Variants in DCLK2 observed in about 807,000 individuals in gnomAD.
The protein encoded by DCLK2 is doublecortin like kinase 2, also known as serine/threonine-protein kinase DCLK2.
A neutral mutation model predicts 78.4 loss-of-function variants in DCLK2; 31 were observed. The ratio of observed to expected loss-of-function variants is 0.40; its 90% confidence interval spans 0.30 to 0.53. The LOEUF is 0.53. Ranked by LOEUF, DCLK2 falls within the 20% of genes least tolerant of loss-of-function variation. The probability of loss-of-function intolerance (pLI) is 0.61; values close to 1 mark genes in which losing one functional copy is unlikely to be tolerated. For missense variants in DCLK2, 872 were observed against 973.7 expected, an observed-to-expected ratio of 0.90 and a Z score of 1.39; for synonymous variants, 407 against 374.9, an observed-to-expected ratio of 1.09 and a Z score of -0.99.
intron 8 of DCLK2, 104 bp from the exon 9 acceptor site, chr4:150,232,233 T>G (rs1742130864): frequency 7.1e-7 from 1 of 1,406,018 alleles, no homozygotes; most frequent in Non-Finnish European, 9.7e-7. Context: ...ATGCTTTCTT[T>G]GGCATCAGAT....
chr4:150,157,605 C>T lies in DCLK2; in HGVS notation c.757-35533C>T, dbSNP rs187038065. ...TCGGCTCACTGCAGCCTCCACTTCC[C>T]GGGTTCAGGTGATTCTCATGCCTCA... On this transcript the variant is annotated intron_variant, in intron 2 of 15. Transcript: ENST00000296550. 4.9e-3 allele frequency among the ~76,000 whole-genome samples: 728 copies of T among 149,840 alleles called. 6 individuals carry two copies. The highest frequency in any genetic ancestry group is 7.8e-3 in the Non-Finnish European group (522 of 67,220).
At chr4:150,101,638 C>T (rs1286812810) in intron 1 of DCLK2, among the ~76,000 whole-genome samples, 1 of 151,866 alleles carries the variant, frequency 6.6e-6, no homozygotes, top group Admixed American at 6.6e-5. Flanking sequence ...ATTGTGGTAT[C>T]TCAACATATA....
At chr4:150,134,429 G>A (rs895321881) in intron 2 of DCLK2, among the ~76,000 whole-genome samples, 3 of 152,076 alleles carry the variant, frequency 2.0e-5, no homozygotes, top group Non-Finnish European at 2.9e-5. Context: ...TCTATTTTGC[G>A]AAATAAATTA....
chr4:150,178,889 A>G (rs559474361), intron 2 of DCLK2, among the ~76,000 whole-genome samples: 2 of 152,326 alleles, frequency 1.3e-5, no homozygotes, highest in Admixed American at 6.5e-5. Context: ...TAAATGCAAC[A>G]AATCAGAAGT....
At chr4:150,251,789 A>G (rs1174351349) in intron 15 of DCLK2, among the ~76,000 whole-genome samples, 1 of 126,442 alleles carries the variant, frequency 7.9e-6, no homozygotes, top group Admixed American at 8.9e-5. Context: ...AGCATGCAGC[A>G]CTCTGTTATA....
intron 2 of DCLK2, among the ~76,000 whole-genome samples, chr4:150,172,845 C>G (rs1375438500): frequency 6.6e-6 from 1 of 150,946 alleles, no homozygotes; most frequent in Non-Finnish European, 1.5e-5. Flanking sequence ...TTCAATTATC[C>G]ATCTCTACCC....
Position 150,175,011 on chromosome 4 carries a change from A to AAAAAATATAT in DCLK2, c.757-18126_757-18125insAAAATATATA, listed in dbSNP as rs1454035697. Among the ~76,000 whole-genome samples the AAAAAATATAT allele has an allele frequency of 7.3e-3, 73 of 9,972 alleles. 26 individuals are homozygous for AAAAAATATAT. The highest frequency in any genetic ancestry group is 0.034 in the South Asian group (13 of 380). 6.5% of individuals were successfully genotyped at this position (9,972 alleles called of 152,430 possible). ...AGACTCCGTCGCAAAAAAAAAAAAA[A>AAAAAATATAT]ATATATATATATATATATATATTTA... On this transcript the variant is annotated intron_variant, in intron 2 of 15. Coordinates refer to ENST00000296550, the MANE Select transcript of DCLK2 (RefSeq NM_001040260.4).
At chr4:150,099,552 A>T (rs752183396) in intron 1 of DCLK2, among the ~76,000 whole-genome samples, 2 of 152,262 alleles carry the variant, frequency 1.3e-5, no homozygotes, top group Non-Finnish European at 2.9e-5. Context: ...TCGTCAAGGT[A>T]TATGACATCT....
intron 1 of DCLK2, among the ~76,000 whole-genome samples, chr4:150,081,576 T>G (rs961794366): frequency 2.0e-5 from 3 of 152,164 alleles, no homozygotes. Flanking sequence ...ATAAAATTAC[T>G]GCAAAAGAAG....
At chr4:150,252,181 G>A (rs773916995) in intron 15 of DCLK2, among the ~76,000 whole-genome samples, 8 of 152,210 alleles carry the variant, frequency 5.3e-5, no homozygotes, top group Non-Finnish European at 1.0e-4. Flanking sequence ...TGTTTCCAGC[G>A]ATTCCCTTGC....
intron 12 of DCLK2, among the ~76,000 whole-genome samples, chr4:150,242,898 T>G (rs1163366737): frequency 6.6e-6 from 1 of 151,580 alleles, no homozygotes; most frequent in Admixed American, 6.6e-5. Context: ...CTCAGTGATG[T>G]CATGTTTTGG....
intron 1 of DCLK2, among the ~76,000 whole-genome samples, chr4:150,100,718 GTTATA>G (rs1437626612): frequency 6.6e-6 from 1 of 152,168 alleles, no homozygotes; most frequent in Non-Finnish European, 1.5e-5. Flanking sequence ...TGTGGTTATA[GTTATA>G]TTTTATTAAA....
At chr4:150,170,562 G>A (rs760361442) in intron 2 of DCLK2, among the ~76,000 whole-genome samples, 19 of 152,152 alleles carry the variant, frequency 1.2e-4, no homozygotes, top group Admixed American at 8.5e-4. Context: ...TTTGCAGTGC[G>A]AGTAGCGAGG....
chr4:150,192,617 G>A (rs909456437), intron 2 of DCLK2, among the ~76,000 whole-genome samples: 2 of 152,070 alleles, frequency 1.3e-5, no homozygotes, highest in Admixed American at 6.6e-5. Flanking sequence ...AGGGATGATG[G>A]GGGTGACTAT....
chr4:150,253,934 A>C, intron 15 of DCLK2: 1 of 980,402 alleles, frequency 1.0e-6, no homozygotes, highest in Non-Finnish European at 1.2e-6. Flanking sequence ...AGTTTGTATC[A>C]GTAAGTGTAA....
chr4:150,193,471 C>G (rs1738627672), intron 3 of DCLK2, among the ~76,000 whole-genome samples: 1 of 152,144 alleles, frequency 6.6e-6, no homozygotes, highest in African/African-American at 2.4e-5. Context: ...ATGCCTAATT[C>G]AAGTAGTTTT....
At chr4:150,133,234 G>A (rs1281527749) in intron 2 of DCLK2, among the ~76,000 whole-genome samples, 4 of 152,148 alleles carry the variant, frequency 2.6e-5, no homozygotes, top group African/African-American at 4.8e-5. Context: ...AAAAGGACAC[G>A]TGTTTACCAT....
intron 15 of DCLK2, chr4:150,253,773 C>G (rs1744358071): frequency 1.0e-6 from 1 of 985,434 alleles, no homozygotes. Context: ...CTTTCCAGAC[C>G]AACAGCTGGT....
At chr4:150,180,758 A>G (rs1219133598) in intron 2 of DCLK2, among the ~76,000 whole-genome samples, 5 of 152,176 alleles carry the variant, frequency 3.3e-5, no homozygotes, top group East Asian at 3.9e-4. Context: ...CACGGAAACT[A>G]GAATCTCTTC....
Sources: allele counts gnomAD v4.1 joint callset (sites outside exome capture counted in the v4.1 genomes callset), GRCh38; gene constraint gnomAD v4.1.1; transcripts MANE v1.5; gene names NCBI Gene and HGNC (gene_info 2026-07-23, HGNC 2026-07-21).